ESRRG: variants seen among roughly 807,000 people sequenced by gnomAD.
ESRRG encodes the protein estrogen related receptor gamma.
A neutral mutation model predicts 44.0 loss-of-function variants in ESRRG; 13 were observed. The ratio of observed to expected loss-of-function variants is 0.30; its 90% CI spans 0.19 to 0.47. The LOEUF (loss-of-function observed/expected upper bound fraction) is 0.47, where lower values mean the gene tolerates loss of function less well. Among genes scored for constraint, ESRRG ranks in the 20% least tolerant of loss-of-function variants. The probability of loss-of-function intolerance (pLI) is 1.00; values close to 1 mark genes in which losing one functional copy is unlikely to be tolerated. For synonymous variants in ESRRG, 215 were observed against 214.6 expected (o/e 1.00, Z -0.02); for missense variants, 395 against 580.6 (o/e 0.68, Z 3.29).
In ESRRG at chr1:216,560,286, T is replaced by G. The variant is rs573870665; in HGVS notation, c.862+3933A>C. On this transcript the variant is annotated intron_variant, in intron 5 of 6. Transcript: ENST00000408911. Reference sequence around the variant, plus strand: ...AAATGTAACTGAGGCCCCCCAAACTTGAGCAAAGTCCTCCTTCTTCAATGG... The same window carrying G: ...AAATGTAACTGAGGCCCCCCAAACTGGAGCAAAGTCCTCCTTCTTCAATGG... Among the ~76,000 whole-genome samples, 49 of 152,272 alleles carry G rather than the reference T, an allele frequency of 3.2e-4. No individual in the cohort carries two copies. The South Asian group carries it at 5.8e-3, about 18-fold the overall frequency.
At chr1:216,939,165 CT>C (rs1348475104) in intron 2 of ESRRG, among the ~76,000 whole-genome samples, 2 of 151,822 alleles carry the variant, frequency 1.3e-5, no homozygotes, top group Non-Finnish European at 2.9e-5. Flanking sequence ...TAATATTTTA[CT>C]TCTTAGGCAC....
intron 1 of ESRRG, among the ~76,000 whole-genome samples, chr1:217,135,556 C>A (rs992280430): frequency 6.6e-6 from 1 of 151,502 alleles, no homozygotes; most frequent in Non-Finnish European, 1.5e-5. Context: ...GTGTTGGCGG[C>A]GGCGGCGGCA....
intron 2 of ESRRG, among the ~76,000 whole-genome samples, chr1:216,902,410 A>T (rs1432114102): frequency 6.6e-6 from 1 of 151,820 alleles, no homozygotes; most frequent in Non-Finnish European, 1.5e-5. Flanking sequence ...AATCCCTTGA[A>T]CCCAGGAGGC....
At chr1:217,054,196 T>C (rs1272741729) in intron 1 of ESRRG, among the ~76,000 whole-genome samples, 2 of 152,166 alleles carry the variant, frequency 1.3e-5, no homozygotes, top group Non-Finnish European at 2.9e-5. Flanking sequence ...CAGTTGTTTT[T>C]CATCAAAATC....
chr1:217,128,218 C>T (rs958399036), intron 1 of ESRRG, among the ~76,000 whole-genome samples: 1 of 152,222 alleles, frequency 6.6e-6, no homozygotes, highest in South Asian at 2.1e-4. Context: ...ATGAAGATCT[C>T]ATCCAAACCA....
intron 2 of ESRRG, among the ~76,000 whole-genome samples, chr1:216,659,683 A>G (rs1307252241): frequency 3.3e-5 from 5 of 152,136 alleles, no homozygotes; most frequent in African/African-American, 1.2e-4. Context: ...TGCTGCTTCT[A>G]TCATTTCTTC....
At chr1:216,812,593 T>C (rs1257599302) in intron 2 of ESRRG, among the ~76,000 whole-genome samples, 1 of 152,210 alleles carries the variant, frequency 6.6e-6, no homozygotes, top group Non-Finnish European at 1.5e-5. Context: ...GGTTTTGTCT[T>C]CCTCTCTTTA....
chr1:217,018,034 CCAA>C (rs769041073), intron 1 of ESRRG, among the ~76,000 whole-genome samples: 90 of 152,242 alleles, frequency 5.9e-4, no homozygotes, highest in Non-Finnish European at 9.3e-4. Context: ...AAAATAAAAA[CCAA>C]CAACAACTTT....
At chr1:216,979,825 G>GTC (rs1377868837) in intron 1 of ESRRG, among the ~76,000 whole-genome samples, 1 of 152,050 alleles carries the variant, frequency 6.6e-6, no homozygotes, top group African/African-American at 2.4e-5. Context: ...CTATTATATA[G>GTC]ACAGCTTGCC....
chr1:216,995,614 C>A (rs535671577), intron 1 of ESRRG, among the ~76,000 whole-genome samples: 1 of 152,318 alleles, frequency 6.6e-6, no homozygotes, highest in African/African-American at 2.4e-5. Context: ...CAGAGGGTAT[C>A]CTGATCCTTC....
intron 1 of ESRRG, among the ~76,000 whole-genome samples, chr1:217,021,614 C>T (rs1049795725): frequency 6.6e-6 from 1 of 152,186 alleles, no homozygotes; most frequent in Non-Finnish European, 1.5e-5. Flanking sequence ...CCATTCAAAT[C>T]ACCCAGGGCA....
At chr1:217,023,162 A>C (rs1406148306) in intron 1 of ESRRG, among the ~76,000 whole-genome samples, 1 of 152,206 alleles carries the variant, frequency 6.6e-6, no homozygotes, top group Non-Finnish European at 1.5e-5. Flanking sequence ...CACTAACTTA[A>C]ACAAAAAACA....
chr1:216,617,544 G>A (rs976390102), intron 3 of ESRRG, among the ~76,000 whole-genome samples: 5 of 151,628 alleles, frequency 3.3e-5, no homozygotes, highest in Admixed American at 3.3e-4. Context: ...TACGATGTGA[G>A]GAAATGTAGT....
chr1:216,584,653 A>T (rs1009896276), intron 3 of ESRRG, among the ~76,000 whole-genome samples: 1 of 152,204 alleles, frequency 6.6e-6, no homozygotes, highest in South Asian at 2.1e-4. Context: ...TCCAGATTTT[A>T]AAAAATTTCC....
intron 3 of ESRRG, among the ~76,000 whole-genome samples, chr1:216,630,255 CAG>C (rs2063911094): frequency 6.6e-6 from 1 of 152,084 alleles, no homozygotes; most frequent in South Asian, 2.1e-4. Flanking sequence ...ATTCTCTGGT[CAG>C]AGAGACTTCA....
chr1:216,928,288 C>T (rs948330578), intron 2 of ESRRG, among the ~76,000 whole-genome samples: 2 of 152,130 alleles, frequency 1.3e-5, no homozygotes, highest in Non-Finnish European at 2.9e-5. Flanking sequence ...CACTTTTTCT[C>T]ACCTCTTTTC....
At chr1:216,623,077 CTTTTTTTTTTT>C (rs370657704) in intron 3 of ESRRG, among the ~76,000 whole-genome samples, 1 of 88,660 alleles carries the variant, frequency 1.1e-5, no homozygotes, top group Admixed American at 1.8e-4. Flanking sequence ...AATCATTAAA[CTTTTTTTTTTT>C]TTTTTTTTTT....
At chr1:216,845,038 C>T (rs1018707944) in intron 2 of ESRRG, among the ~76,000 whole-genome samples, 2 of 152,166 alleles carry the variant, frequency 1.3e-5, no homozygotes, top group Non-Finnish European at 2.9e-5. Context: ...TAAAGTAGCA[C>T]TTTCCCTATC....
At chr1:216,828,430 G>A (rs889332455) in intron 2 of ESRRG, among the ~76,000 whole-genome samples, 2 of 152,122 alleles carry the variant, frequency 1.3e-5, no homozygotes, top group African/African-American at 2.4e-5. Context: ...GGTTTCATAT[G>A]TTACCACATC....
Sources: gnomAD v4.1 joint callset for allele counts (sites outside exome capture counted in the v4.1 genomes callset) on GRCh38, gnomAD v4.1.1 for gene constraint, MANE v1.5 for transcripts, NCBI Gene and HGNC (gene_info 2026-07-23, HGNC 2026-07-21) for gene names.